PTPRT: variants seen among roughly 807,000 people sequenced by gnomAD.
The protein encoded by PTPRT is receptor-type tyrosine-protein phosphatase T.
PTPRT carries 56 observed loss-of-function variants against 176.8 expected under a neutral mutation model. The observed-to-expected ratio is 0.32, with a 90% confidence interval of 0.26 to 0.40. The LOEUF (loss-of-function observed/expected upper bound fraction) is 0.40, where lower values mean the gene tolerates loss of function less well. Ranked by LOEUF, PTPRT falls within the 10% of genes least tolerant of loss-of-function variation. PTPRT has a pLI of 1.00. For missense variants in PTPRT, 1,540 were observed against 1,908.2 expected, an observed-to-expected ratio of 0.81 and a Z score of 3.60; for synonymous variants, 783 against 739.0, an observed-to-expected ratio of 1.06 and a Z score of -0.96.
intron 8 of PTPRT, among the ~76,000 whole-genome samples, chr20:42,468,409 A>T (rs2071136479): frequency 3.3e-5 from 5 of 152,218 alleles, no homozygotes; most frequent in Admixed American, 3.3e-4. Flanking sequence ...GGCATACAGC[A>T]GGGTCCTACA....
intron 7 of PTPRT, among the ~76,000 whole-genome samples, chr20:42,647,120 C>T (rs2074923770): frequency 6.6e-6 from 1 of 151,812 alleles, no homozygotes; most frequent in South Asian, 2.1e-4. Context: ...TGGTCTCCAA[C>T]TCCTGGGCTC....
At chr20:42,038,281 A>G in the PTPRT span, among the ~76,000 whole-genome samples, 1 of 152,240 alleles carries the variant, frequency 6.6e-6, no homozygotes, top group Non-Finnish European at 1.5e-5. Context: ...AAGGTGACAC[A>G]GCTCATGTGT....
chr20:42,538,145 C>A (rs977855723), intron 7 of PTPRT, among the ~76,000 whole-genome samples: 3 of 150,926 alleles, frequency 2.0e-5, no homozygotes, highest in Non-Finnish European at 4.4e-5. Context: ...AAAAAAAAAA[C>A]AAAACAAATA....
chr20:42,213,993 A>G (rs1316522340), intron 15 of PTPRT, among the ~76,000 whole-genome samples: 3 of 152,196 alleles, frequency 2.0e-5, no homozygotes, highest in Non-Finnish European at 4.4e-5. Context: ...AATACCAGCC[A>G]CTATTCAAGG....
chr20:42,111,555 C>A (rs6029980), intron 22 of PTPRT, among the ~76,000 whole-genome samples: 35,710 of 152,150 alleles, frequency 0.23, 4,287 homozygotes, highest in African/African-American at 0.29. Context: ...GCTTGACCTC[C>A]ATCTTGAAAC....
chr20:42,640,076 T>C (rs542765538), intron 7 of PTPRT, among the ~76,000 whole-genome samples: 2 of 152,260 alleles, frequency 1.3e-5, no homozygotes, highest in Non-Finnish European at 2.9e-5. Context: ...CTTTACCTGC[T>C]ACAATCTGGT....
chr20:42,165,314 G>A (rs778726045), intron 16 of PTPRT, among the ~76,000 whole-genome samples: 20 of 152,156 alleles, frequency 1.3e-4, no homozygotes, highest in Admixed American at 4.6e-4. Flanking sequence ...TACAATGCAC[G>A]TTAGATATTG....
At chr20:42,157,490 C>T (rs968593671) in intron 17 of PTPRT, among the ~76,000 whole-genome samples, 1 of 151,936 alleles carries the variant, frequency 6.6e-6, no homozygotes, top group Admixed American at 6.6e-5. Flanking sequence ...GGGTTACAGG[C>T]ACCCACCATC....
Position 42,671,460 on chromosome 20 carries a change from G to A in PTPRT, c.1153+6406C>T, listed in dbSNP as rs555690009. 3.9e-5 allele frequency among the ~76,000 whole-genome samples: 6 copies of A among 152,268 alleles called. No individual in the cohort carries two copies. The South Asian group carries it at 1.0e-3, about 26-fold the overall frequency. On this transcript the variant is annotated intron_variant, in intron 7 of 30. Transcript: ENST00000373187. The stretch of plus-strand genomic sequence containing the variant: ...GTCTGCTGTTGGGGATGTGCTGGAG[G>A]AAACCACACAATGCTCTAGACAAGA...
chr20:42,856,029 G>C (rs2078557339), intron 2 of PTPRT, among the ~76,000 whole-genome samples: 1 of 152,146 alleles, frequency 6.6e-6, no homozygotes, highest in African/African-American at 2.4e-5. Flanking sequence ...TGAAACAGAA[G>C]GACCTCTCAT....
At chr20:42,479,432 G>A (rs2071344424) in intron 7 of PTPRT, among the ~76,000 whole-genome samples, 2 of 152,172 alleles carry the variant, frequency 1.3e-5, no homozygotes, top group Non-Finnish European at 2.9e-5. Flanking sequence ...ATTTGATACT[G>A]CAAGAGCAGA....
chr20:42,891,641 A>T (rs2079194832), intron 1 of PTPRT, among the ~76,000 whole-genome samples: 1 of 152,196 alleles, frequency 6.6e-6, no homozygotes, highest in South Asian at 2.1e-4. Context: ...TTTGAAAATG[A>T]GAGAGGAATA....
At chr20:43,053,029 T>A (rs1987106222) in intron 1 of PTPRT, among the ~76,000 whole-genome samples, 1 of 150,304 alleles carries the variant, frequency 6.7e-6, no homozygotes, top group Non-Finnish European at 1.5e-5. Flanking sequence ...ATATGGCATA[T>A]CCATATGATG....
chr20:42,985,424 G>A (rs754884837), intron 1 of PTPRT, among the ~76,000 whole-genome samples: 121 of 152,168 alleles, frequency 8.0e-4, no homozygotes, highest in Admixed American at 2.9e-3. Flanking sequence ...GAACCCAGGA[G>A]GCAGAGGTTG....
At chr20:42,049,450 T>G in the PTPRT span, among the ~76,000 whole-genome samples, 1 of 152,216 alleles carries the variant, frequency 6.6e-6, no homozygotes, top group African/African-American at 2.4e-5. Context: ...AACACCTTAA[T>G]AGTGTCTGCT....
At chr20:42,442,052 T>C (rs1312712280) in intron 9 of PTPRT, among the ~76,000 whole-genome samples, 2 of 152,192 alleles carry the variant, frequency 1.3e-5, no homozygotes, top group African/African-American at 4.8e-5. Context: ...CTGGGGTCAG[T>C]GAGCCCTGAG....
At chr20:43,045,629 A>AT (rs3091704) in intron 1 of PTPRT, among the ~76,000 whole-genome samples, 7,436 of 132,740 alleles carry the variant, frequency 0.056, 486 homozygotes, top group African/African-American at 0.15. Context: ...TAATTTTTCT[A>AT]TTTTTTTTTT....
chr20:42,518,212 T>C (rs1235228933), intron 7 of PTPRT, among the ~76,000 whole-genome samples: 1 of 152,034 alleles, frequency 6.6e-6, no homozygotes, highest in Non-Finnish European at 1.5e-5. Context: ...ACTGTCATTT[T>C]AATAGTGTTT....
At chr20:42,386,914 A>G (rs1293140002) in intron 9 of PTPRT, among the ~76,000 whole-genome samples, 2 of 152,176 alleles carry the variant, frequency 1.3e-5, no homozygotes, top group East Asian at 3.9e-4. Flanking sequence ...GAGAAAATTG[A>G]AGCTGTTTTA....
Sources: gnomAD v4.1 joint callset for allele counts (sites outside exome capture counted in the v4.1 genomes callset) on GRCh38, gnomAD v4.1.1 for gene constraint, MANE v1.5 for transcripts, NCBI Gene and HGNC (gene_info 2026-07-23, HGNC 2026-07-21) for gene names.